GOLPH3L: variants seen among roughly 807,000 people sequenced by gnomAD.
GOLPH3L encodes Golgi phosphoprotein 3-like.
In GOLPH3L, 22 loss-of-function variants were observed where a neutral mutation model predicts 30.3. That is an observed-to-expected ratio of 0.73 (90% CI 0.52 to 1.04). The LOEUF (loss-of-function observed/expected upper bound fraction) is 1.04. GOLPH3L is among the 50% of genes least tolerant of loss of function. The pLI, the probability that GOLPH3L is intolerant of heterozygous loss-of-function variation, is 0.00. For synonymous variants in GOLPH3L, 120 were observed against 128.2 expected (o/e 0.94, Z 0.43); for missense variants, 303 against 345.8 (o/e 0.88, Z 0.98).
At chr1:150,696,888 T>C (rs1170252935) in intron 1 of GOLPH3L, 104 bp downstream of exon 1, 1 of 151,990 alleles carries the variant, frequency 6.6e-6, no homozygotes, top group Non-Finnish European at 1.5e-5. Context: ...ATGGCCCAAA[T>C]GAATACAAAC....
At chr1:150,675,034 C>T (rs587738357) in intron 2 of GOLPH3L, among the ~76,000 whole-genome samples, 40 of 152,060 alleles carry the variant, frequency 2.6e-4, no homozygotes, top group African/African-American at 8.4e-4. Flanking sequence ...TGTACCACCA[C>T]GTCTGGCTAA....
intron 3 of GOLPH3L, among the ~76,000 whole-genome samples, chr1:150,663,379 A>G (rs768922746): frequency 7.9e-5 from 12 of 152,080 alleles, no homozygotes; most frequent in Non-Finnish European, 1.6e-4. Context: ...GAGGAATTTA[A>G]TCAACAGCAT....
At chr1:150,670,414 G>A (rs952877932) in intron 2 of GOLPH3L, among the ~76,000 whole-genome samples, 3 of 152,132 alleles carry the variant, frequency 2.0e-5, no homozygotes. Flanking sequence ...TGGCTAACAC[G>A]GTGAAACCCC....
intron 3 of GOLPH3L, 40 bp from the exon 4 acceptor site, chr1:150,661,968 C>T: frequency 2.3e-6 from 2 of 870,742 alleles, no homozygotes; most frequent in Non-Finnish European, 4.0e-6. Context: ...GATTCCTTCA[C>T]TTCATTCAAG....
At chr1:150,672,213 G>C (rs1357685417) in intron 2 of GOLPH3L, among the ~76,000 whole-genome samples, 1 of 152,072 alleles carries the variant, frequency 6.6e-6, no homozygotes, top group African/African-American at 2.4e-5. Context: ...ATGATCTTCA[G>C]GGGTTATCAA....
chr1:150,666,016 CTA>C (rs1338918792), intron 2 of GOLPH3L, among the ~76,000 whole-genome samples: 2 of 152,088 alleles, frequency 1.3e-5, no homozygotes, highest in Non-Finnish European at 2.9e-5. Flanking sequence ...AGTGAGAAAT[CTA>C]TCTTTCTTAT....
intron 4 of GOLPH3L, among the ~76,000 whole-genome samples, chr1:150,653,157 A>G (rs1650162095): frequency 6.8e-6 from 1 of 147,034 alleles, no homozygotes; most frequent in African/African-American, 2.5e-5. Context: ...ACAACAAAAA[A>G]CCCAAAAGCC....
intron 2 of GOLPH3L, among the ~76,000 whole-genome samples, chr1:150,686,981 A>G (rs1363655864): frequency 6.6e-6 from 1 of 152,152 alleles, no homozygotes; most frequent in Non-Finnish European, 1.5e-5. Context: ...ATGTTTAAAG[A>G]AAAAAACCTG....
intron 2 of GOLPH3L, among the ~76,000 whole-genome samples, chr1:150,681,032 C>T (rs1650936002): frequency 6.6e-6 from 1 of 152,010 alleles, no homozygotes; most frequent in Non-Finnish European, 1.5e-5. Context: ...CCCAGCTACT[C>T]GGGAGGCTGA....
At chr1:150,693,072 T>A (rs1430171617) in intron 2 of GOLPH3L, among the ~76,000 whole-genome samples, 1 of 152,198 alleles carries the variant, frequency 6.6e-6, no homozygotes, top group Non-Finnish European at 1.5e-5. Context: ...TGAAGGCTCA[T>A]CAACTTCTCA....
chr1:150,655,722 G>C (rs974264701), intron 4 of GOLPH3L, among the ~76,000 whole-genome samples: 3 of 152,136 alleles, frequency 2.0e-5, no homozygotes, highest in African/African-American at 4.8e-5. Context: ...AACGGACACA[G>C]CTCCAACATT....
At chr1:150,667,498 T>TGGCCA (rs1314262633) in intron 2 of GOLPH3L, among the ~76,000 whole-genome samples, 6 of 152,218 alleles carry the variant, frequency 3.9e-5, no homozygotes, top group African/African-American at 1.4e-4. Flanking sequence ...GGCCAAGAGT[T>TGGCCA]GGCCAGCCTT....
At chr1:150,681,133 G>C (rs1194004865) in intron 2 of GOLPH3L, among the ~76,000 whole-genome samples, 1 of 151,908 alleles carries the variant, frequency 6.6e-6, no homozygotes, top group Non-Finnish European at 1.5e-5. Flanking sequence ...GCAAAACTCC[G>C]CCTCAAAAAA....
intron 2 of GOLPH3L, among the ~76,000 whole-genome samples, chr1:150,693,746 A>C (rs888839268): frequency 6.7e-6 from 1 of 148,726 alleles, no homozygotes; most frequent in Non-Finnish European, 1.5e-5. Flanking sequence ...GAAAAGCTAA[A>C]ATTATTTTTA....
intron 2 of GOLPH3L, among the ~76,000 whole-genome samples, chr1:150,681,320 G>A (rs587614340): frequency 2.0e-5 from 3 of 152,180 alleles, no homozygotes; most frequent in African/African-American, 4.8e-5. Context: ...CAAAGCCTGC[G>A]CTTTTATCCA....
chr1:150,663,039 A>T (rs587674087), intron 3 of GOLPH3L, among the ~76,000 whole-genome samples: 1 of 147,746 alleles, frequency 6.8e-6, no homozygotes. Flanking sequence ...CTATTTCGTA[A>T]TTTTTTTTTT....
intron 3 of GOLPH3L, among the ~76,000 whole-genome samples, chr1:150,663,057 C>T (rs1404292206): frequency 2.0e-5 from 3 of 151,126 alleles, no homozygotes; most frequent in South Asian, 4.2e-4. Flanking sequence ...TTTTTAGAGA[C>T]GGAGTCTTGC....
intron 4 of GOLPH3L, among the ~76,000 whole-genome samples, chr1:150,657,683 C>G (rs1446894022): frequency 6.6e-6 from 1 of 151,902 alleles, no homozygotes; most frequent in African/African-American, 2.4e-5. Context: ...GCTATACTAG[C>G]CAAGCTCTAG....
intron 4 of GOLPH3L, among the ~76,000 whole-genome samples, chr1:150,660,193 T>C (rs1413346228): frequency 6.6e-6 from 1 of 152,148 alleles, no homozygotes; most frequent in Non-Finnish European, 1.5e-5. Context: ...AAAACTATTT[T>C]CATTTGAAAA....
Sources: gnomAD v4.1 joint callset for allele counts (sites outside exome capture counted in the v4.1 genomes callset) on GRCh38, gnomAD v4.1.1 for gene constraint, MANE v1.5 for transcripts, NCBI Gene and HGNC (gene_info 2026-07-23, HGNC 2026-07-21) for gene names.